The following LDLRAD4 variants were observed in gnomAD, a reference collection of about 807,000 sequenced individuals.
LDLRAD4 encodes the protein low density lipoprotein receptor class A domain containing 4, also known as low-density lipoprotein receptor class A domain-containing protein 4.
LDLRAD4 carries 5 observed loss-of-function variants against 17.0 expected under a neutral mutation model. The ratio of observed to expected loss-of-function variants is 0.29; its 90% CI spans 0.15 to 0.62. The LOEUF is 0.62. Among genes scored for constraint, LDLRAD4 ranks in the 20% least tolerant of loss-of-function variants. LDLRAD4 has a pLI of 0.84. For missense variants in LDLRAD4, 340 were observed against 424.7 expected, an observed-to-expected ratio of 0.80 and a Z score of 1.75; for synonymous variants, 168 against 171.8, an observed-to-expected ratio of 0.98 and a Z score of 0.17.
chr18:13,591,714 A>G (rs2095032058), intron 3 of LDLRAD4, among the ~76,000 whole-genome samples: 1 of 152,196 alleles, frequency 6.6e-6, no homozygotes, highest in Non-Finnish European at 1.5e-5. Flanking sequence ...GTTAAGAATC[A>G]CTGCTCTGAA....
intron 3 of LDLRAD4, among the ~76,000 whole-genome samples, chr18:13,508,289 A>T (rs2093725655): frequency 1.3e-5 from 2 of 152,266 alleles, no homozygotes; most frequent in Non-Finnish European, 2.9e-5. Flanking sequence ...AGTGCAGGGT[A>T]AAGCAGCAAG....
Position 13,329,513 on chromosome 18 carries a change from A to G in LDLRAD4, c.-383+51325A>G, listed in dbSNP as rs538965781. ...GGCCAGATCATTGGTCATCTTGTAG[A>G]TGATGTGGTCAAATCTATCAGTCTT... On this transcript the variant is annotated intron_variant, in intron 1 of 5. Transcript: ENST00000359446. 2.0e-5 allele frequency among the ~76,000 whole-genome samples: 3 copies of G among 152,174 alleles called. No homozygotes were observed. In the East Asian group the frequency reaches 5.8e-4, roughly 29 times the overall value.
chr18:13,390,080 C>G (rs1004716316), intron 2 of LDLRAD4, among the ~76,000 whole-genome samples: 4 of 152,130 alleles, frequency 2.6e-5, no homozygotes, highest in Admixed American at 6.5e-5. Context: ...GTGAACAGGT[C>G]AGGCTAATGG....
intron 3 of LDLRAD4, among the ~76,000 whole-genome samples, chr18:13,547,400 A>G (rs921192741): frequency 1.9e-4 from 29 of 152,152 alleles, no homozygotes; most frequent in Non-Finnish European, 5.9e-5. Context: ...GTGTCACAGG[A>G]TCCTTAGGGT....
intron 1 of LDLRAD4, among the ~76,000 whole-genome samples, chr18:13,231,435 GT>G (rs2042069418): frequency 6.6e-6 from 1 of 152,158 alleles, no homozygotes; most frequent in Admixed American, 6.5e-5. Context: ...CCGAGATCGC[GT>G]GAGTCTGGTT....
intron 1 of LDLRAD4, among the ~76,000 whole-genome samples, chr18:13,249,350 C>G (rs1044948166): frequency 6.6e-6 from 1 of 152,182 alleles, no homozygotes; most frequent in East Asian, 1.9e-4. Flanking sequence ...ACTGTACCAG[C>G]TTACATTCCC....
intron 3 of LDLRAD4, among the ~76,000 whole-genome samples, chr18:13,549,482 G>A (rs1005593690): frequency 2.0e-5 from 3 of 151,938 alleles, no homozygotes; most frequent in Admixed American, 1.3e-4. Context: ...AAGACCAGAC[G>A]GTTCTGTTCA....
intron 3 of LDLRAD4, chr18:13,611,152 C>T (rs1435594635): frequency 6.5e-6 from 1 of 154,338 alleles, no homozygotes; most frequent in African/African-American, 2.4e-5. Context: ...TGTCATGCCC[C>T]AGGTGACGTG....
At chr18:13,274,477 C>T (rs755072006), upstream of LDLRAD4, among the ~76,000 whole-genome samples, 2 of 152,314 alleles carry the variant, frequency 1.3e-5, no homozygotes, top group East Asian at 1.9e-4. Flanking sequence ...TTCTCTGCCT[C>T]GTGTCATGGA....
In LDLRAD4 at chr18:13,600,821, C is replaced by T. The variant is rs114334400; in HGVS notation, c.182-20296C>T. On this transcript the variant is annotated intron_variant, in intron 3 of 5. Coordinates refer to ENST00000359446, the Ensembl canonical transcript of LDLRAD4. ...TTTAAAATTACTTTTATTTGTATAACCAAAATTAGATGGGTTTCTGCCAGA... is the reference window on the plus strand; with the variant it reads ...TTTAAAATTACTTTTATTTGTATAATCAAAATTAGATGGGTTTCTGCCAGA... Among the ~76,000 whole-genome samples, 525 of 152,230 alleles carry T rather than the reference C, an allele frequency of 3.4e-3. 3 individuals are homozygous for T. The highest frequency in any genetic ancestry group is 0.012 in the African/African-American group (506 of 41,534).
chr18:13,570,366 C>T (rs1196250197), intron 3 of LDLRAD4, among the ~76,000 whole-genome samples: 3 of 152,178 alleles, frequency 2.0e-5, no homozygotes, highest in African/African-American at 7.2e-5. Context: ...AACCAGCAGG[C>T]GGGAGCCCAG....
intron 1 of LDLRAD4, among the ~76,000 whole-genome samples, chr18:13,356,952 C>T (rs552542028): frequency 1.3e-5 from 2 of 151,996 alleles, no homozygotes; most frequent in African/African-American, 2.4e-5. Flanking sequence ...TGGCCAACAT[C>T]GTGAAATCTT....
chr18:13,552,206 G>C (rs910603010), intron 3 of LDLRAD4, among the ~76,000 whole-genome samples: 2 of 152,198 alleles, frequency 1.3e-5, no homozygotes, highest in African/African-American at 4.8e-5. Flanking sequence ...ACCTAGGCCT[G>C]CAGCTCCCAG....
chr18:13,383,554 C>T (rs983670250), intron 1 of LDLRAD4, among the ~76,000 whole-genome samples: 3 of 152,158 alleles, frequency 2.0e-5, no homozygotes, highest in Admixed American at 6.5e-5. Context: ...GAGGGACGGC[C>T]GGCAAGCAGC....
intron 3 of LDLRAD4, among the ~76,000 whole-genome samples, chr18:13,599,621 G>T (rs1335330233): frequency 2.0e-5 from 3 of 151,660 alleles, no homozygotes; most frequent in Admixed American, 6.6e-5. Context: ...CTCCTGAGTG[G>T]CTGGGACTAC....
intron 1 of LDLRAD4, among the ~76,000 whole-genome samples, chr18:13,338,879 A>G (rs191854768): frequency 9.8e-5 from 15 of 152,336 alleles, no homozygotes; most frequent in African/African-American, 2.6e-4. Context: ...TGTTTCCTCT[A>G]AAGAAGACAA....
intron 1 of LDLRAD4, among the ~76,000 whole-genome samples, chr18:13,309,143 A>G (rs764648259): frequency 1.3e-5 from 2 of 152,236 alleles, no homozygotes; most frequent in African/African-American, 2.4e-5. Flanking sequence ...TTTAAGTTAG[A>G]GGCTTGTCCT....
At chr18:13,320,820 A>G (rs991674030) in intron 1 of LDLRAD4, among the ~76,000 whole-genome samples, 1 of 152,204 alleles carries the variant, frequency 6.6e-6, no homozygotes, top group Non-Finnish European at 1.5e-5. Flanking sequence ...TGCCCATGGC[A>G]TCTGGTAGAC....
At chr18:13,472,861 G>A (rs1038482613) in intron 3 of LDLRAD4, among the ~76,000 whole-genome samples, 1 of 152,150 alleles carries the variant, frequency 6.6e-6, no homozygotes, top group Non-Finnish European at 1.5e-5. Context: ...GAGCAAACAC[G>A]TACCTCTTTT....
Sources: gnomAD v4.1 joint callset for allele counts (sites outside exome capture counted in the v4.1 genomes callset) on GRCh38, gnomAD v4.1.1 for gene constraint, MANE v1.5 for transcripts, NCBI Gene and HGNC (gene_info 2026-07-23, HGNC 2026-07-21) for gene names.